Variants in GPC5 observed in about 807,000 individuals in gnomAD.
GPC5 encodes glypican-5.
Under a neutral mutation model 53.9 loss-of-function variants are expected in GPC5, and 47 were observed. The ratio of observed to expected loss-of-function variants is 0.87; its 90% CI spans 0.69 to 1.11. The LOEUF (loss-of-function observed/expected upper bound fraction) is 1.11, where lower values mean the gene tolerates loss of function less well. GPC5 is among the 50% of genes most tolerant of loss of function. The pLI, the probability that GPC5 is intolerant of heterozygous loss-of-function variation, is 0.00. For synonymous variants in GPC5, 286 were observed against 263.3 expected (o/e 1.09, Z -0.84); for missense variants, 748 against 713.1 (o/e 1.05, Z -0.56).
At chr13:91,857,027 T>C (rs2038974594) in intron 5 of GPC5, among the ~76,000 whole-genome samples, 1 of 151,248 alleles carries the variant, frequency 6.6e-6, no homozygotes, top group Non-Finnish European at 1.5e-5. Flanking sequence ...CCAATTTGAA[T>C]TGCTTAGTGC....
At position 92,209,952 on chromosome 13, in the gene GPC5, C is replaced by T. The variant is rs374371880; in HGVS notation, c.1561+64963C>T. 2.0e-5 allele frequency among the ~76,000 whole-genome samples: 3 copies of T among 152,080 alleles called. No homozygotes were observed. The South Asian group carries it at 6.2e-4, about 32-fold the overall frequency. ...TCCAGTGTTCCAGGACAGGAAACAT[C>T]CAGCATGGGAGACAAGTGTAGGCTG... On this transcript the variant is annotated intron_variant, in intron 7 of 7. Transcript: ENST00000377067.
intron 7 of GPC5, among the ~76,000 whole-genome samples, chr13:92,347,118 G>A (rs1032436780): frequency 4.6e-5 from 7 of 152,034 alleles, no homozygotes; most frequent in African/African-American, 1.7e-4. Flanking sequence ...GGTCCATAGA[G>A]CATATTTAAA....
chr13:91,452,021 T>G lies in GPC5; in HGVS notation c.325+3099T>G, dbSNP rs977856886. ...TTTATGAGACAGGGTCTCACTCTGT[T>G]GCCCAGTCCAAAGTGCAATGGTGTG... On this transcript the variant is annotated intron_variant, in intron 2 of 7. Coordinates refer to ENST00000377067, the MANE Select transcript of GPC5 (RefSeq NM_004466.6). 2.0e-4 allele frequency among the ~76,000 whole-genome samples: 30 copies of G among 152,106 alleles called. 1 individual carries two copies. Among genetic ancestry groups the G allele is most frequent in the African/African-American group, 2.4e-5 (1 of 41,412 alleles).
intron 6 of GPC5, among the ~76,000 whole-genome samples, chr13:92,135,572 C>A (rs1219524573): frequency 6.6e-6 from 1 of 152,110 alleles, no homozygotes; most frequent in African/African-American, 2.4e-5. Context: ...GAGAGACATA[C>A]AGGATTTTCT....
At chr13:91,415,813 A>T (rs975303404) in intron 1 of GPC5, among the ~76,000 whole-genome samples, 3 of 152,140 alleles carry the variant, frequency 2.0e-5, no homozygotes, top group African/African-American at 7.2e-5. Context: ...GATGTTGCTC[A>T]ATCTTCTCTG....
intron 2 of GPC5, among the ~76,000 whole-genome samples, chr13:91,569,773 A>G (rs1242405083): frequency 2.0e-5 from 3 of 152,098 alleles, no homozygotes; most frequent in Non-Finnish European, 4.4e-5. Flanking sequence ...AAAGGGAGCT[A>G]GCTTAGGCCA....
intron 5 of GPC5, among the ~76,000 whole-genome samples, chr13:91,867,193 A>G (rs2039094656): frequency 6.6e-6 from 1 of 152,138 alleles, no homozygotes; most frequent in Non-Finnish European, 1.5e-5. Context: ...CCAGCCTGGG[A>G]AACAAGAGTG....
chr13:92,328,211 A>G (rs2043265110), intron 7 of GPC5, among the ~76,000 whole-genome samples: 1 of 152,166 alleles, frequency 6.6e-6, no homozygotes, highest in Non-Finnish European at 1.5e-5. Context: ...TCTTCAATCT[A>G]TATTTGTGGA....
At chr13:91,472,213 A>T (rs1170796710) in intron 2 of GPC5, among the ~76,000 whole-genome samples, 1 of 152,150 alleles carries the variant, frequency 6.6e-6, no homozygotes, top group African/African-American at 2.4e-5. Flanking sequence ...TCTATGGTAG[A>T]TGTTCAGTTA....
At chr13:92,804,318 G>T (rs1877015904) in intron 7 of GPC5, among the ~76,000 whole-genome samples, 1 of 151,920 alleles carries the variant, frequency 6.6e-6, no homozygotes, top group Non-Finnish European at 1.5e-5. Context: ...TTTATTGGTT[G>T]TGAGTAAAAA....
rs557616367 is a variant in GPC5 at position 91,674,146 on chromosome 13, T to C, written c.326-19041T>C. Among the ~76,000 whole-genome samples, 3 of 152,284 alleles carry C rather than the reference T, an allele frequency of 2.0e-5. No homozygotes were observed. The East Asian group carries it at 5.8e-4, about 29-fold the overall frequency. On this transcript the variant is annotated intron_variant, in intron 2 of 7. Coordinates refer to ENST00000377067, the MANE Select transcript of GPC5 (RefSeq NM_004466.6). The stretch of plus-strand genomic sequence containing the variant: ...TTCATGCATCAAGTATTTGATGTTA[T>C]ATGGACATGATAACAAATTTTATGT...
intron 7 of GPC5, among the ~76,000 whole-genome samples, chr13:92,216,092 A>C (rs2042407649): frequency 1.3e-5 from 2 of 152,332 alleles, no homozygotes. Context: ...GAAAAACATC[A>C]TTCCTGAGAT....
intron 7 of GPC5, among the ~76,000 whole-genome samples, chr13:92,251,141 A>G (rs1032182652): frequency 1.3e-5 from 2 of 152,240 alleles, no homozygotes; most frequent in Admixed American, 6.6e-5. Flanking sequence ...ACCTTGATAT[A>G]TAGGGAAGTG....
At chr13:91,772,931 T>C (rs2037650621) in intron 5 of GPC5, among the ~76,000 whole-genome samples, 1 of 152,172 alleles carries the variant, frequency 6.6e-6, no homozygotes, top group South Asian at 2.1e-4. Context: ...TAATTTTTTT[T>C]CTAAGATTTT....
intron 7 of GPC5, among the ~76,000 whole-genome samples, chr13:92,246,866 T>A (rs2042654902): frequency 1.3e-5 from 2 of 152,174 alleles, no homozygotes; most frequent in African/African-American, 2.4e-5. Flanking sequence ...TATAAGAGAT[T>A]GAGTACACTA....
At position 91,542,203 on chromosome 13, in the gene GPC5, TTATG is replaced by T. The variant is rs71716473; in HGVS notation, c.325+93285_325+93288del. ...TTTTTAAATGTATTTTTTGTTCACTTTATGTATCAAAATTACATGCATTGGGATA... is the reference window on the plus strand; with the variant it reads ...TTTTTAAATGTATTTTTTGTTCACTTTATCAAAATTACATGCATTGGGATA... On this transcript the variant is annotated intron_variant, in intron 2 of 7. Coordinates refer to ENST00000377067, the MANE Select transcript of GPC5 (RefSeq NM_004466.6). 8.2e-3 allele frequency among the ~76,000 whole-genome samples: 1,253 copies of T among 152,268 alleles called. 14 individuals carry two copies. The highest frequency in any genetic ancestry group is 0.029 in the African/African-American group (1,215 of 41,552).
At chr13:92,114,431 T>C (rs930673112) in intron 6 of GPC5, among the ~76,000 whole-genome samples, 36 of 152,132 alleles carry the variant, frequency 2.4e-4, no homozygotes, top group African/African-American at 8.2e-4. Context: ...ACTCTACCTT[T>C]CCTTATTCAT....
At chr13:92,000,375 C>T (rs1317472514) in intron 6 of GPC5, among the ~76,000 whole-genome samples, 1 of 151,944 alleles carries the variant, frequency 6.6e-6, no homozygotes, top group Admixed American at 6.6e-5. Context: ...AAATATATAT[C>T]ATTCTTAAAA....
chr13:92,844,501 A>G (rs894439769), intron 7 of GPC5, among the ~76,000 whole-genome samples: 1 of 151,854 alleles, frequency 6.6e-6, no homozygotes. Context: ...TCCTTAATAC[A>G]TCTTTTTGCA....
Sources: allele counts gnomAD v4.1 joint callset (sites outside exome capture counted in the v4.1 genomes callset), GRCh38; gene constraint gnomAD v4.1.1; transcripts MANE v1.5; gene names NCBI Gene and HGNC (gene_info 2026-07-23, HGNC 2026-07-21).